The following SGPP2 variants were observed in gnomAD, a reference collection of about 807,000 sequenced individuals.
The protein encoded by SGPP2 is sphingosine-1-phosphate phosphatase 2.
Under a neutral mutation model 33.9 loss-of-function variants are expected in SGPP2, and 30 were observed. The ratio of observed to expected loss-of-function variants is 0.89; its 90% CI spans 0.66 to 1.20. SGPP2 has a LOEUF of 1.20. Ranked by LOEUF, SGPP2 falls within the 50% of genes most tolerant of loss-of-function variation. The probability of loss-of-function intolerance (pLI) is 0.00; values close to 1 mark genes in which losing one functional copy is unlikely to be tolerated. For synonymous variants in SGPP2, 233 were observed against 225.0 expected, an observed-to-expected ratio of 1.04 and a Z score of -0.32; for missense variants, 458 against 532.1, an observed-to-expected ratio of 0.86 and a Z score of 1.37.
Position 222,509,255 on chromosome 2 carries a change from G to T in SGPP2, c.379-12512G>T, listed in dbSNP as rs978268312. ...CAACATAAAGAAGAGGTGAATGTTT[G>T]GGGTGATGGGTGTCCCAGTTGTCCT... On this transcript the variant is annotated intron_variant, in intron 2 of 4. Transcript: ENST00000321276. 7.2e-5 allele frequency among the ~76,000 whole-genome samples: 11 copies of T among 152,258 alleles called. No homozygotes were observed. The South Asian group carries it at 2.1e-3, about 29-fold the overall frequency.
intron 2 of SGPP2, among the ~76,000 whole-genome samples, chr2:222,488,107 C>G (rs1698139964): frequency 6.6e-6 from 1 of 152,180 alleles, no homozygotes; most frequent in Non-Finnish European, 1.5e-5. Flanking sequence ...TACCTTGCAC[C>G]CTGTAAAATC....
chr2:222,555,445 G>GTTT (rs57228014), intron 4 of SGPP2, among the ~76,000 whole-genome samples: 13 of 85,858 alleles, frequency 1.5e-4, no homozygotes, highest in Non-Finnish European at 2.3e-4. Context: ...TCTTTTATCC[G>GTTT]TTTTTTTTTT....
At position 222,540,340 on chromosome 2, in the gene SGPP2, T is replaced by C. The variant is rs191901783; in HGVS notation, c.648+15307T>C. 1.4e-3 allele frequency among the ~76,000 whole-genome samples: 220 copies of C among 152,354 alleles called. 1 individual carries two copies. The highest frequency in any genetic ancestry group is 5.1e-3 in the African/African-American group (210 of 41,584). ...AGGTCAGGTGTAGAATTTTTTCATG[T>C]GATGTCATGTCAGTATTCAAAAAGT... On this transcript the variant is annotated intron_variant, in intron 4 of 4. Transcript: ENST00000321276.
At chr2:222,504,838 G>A (rs1045282780) in intron 2 of SGPP2, 1 of 152,232 alleles carries the variant, frequency 6.6e-6, no homozygotes, top group African/African-American at 2.4e-5. Context: ...AGCTTTTACA[G>A]TCATGACAAG....
rs940518563 is a variant in SGPP2 at position 222,424,589 on chromosome 2, G to A, written c.-14G>A. On this transcript the variant is annotated 5_prime_UTR_variant, in exon 1 of 5. Coordinates refer to ENST00000321276, the MANE Select transcript of SGPP2 (RefSeq NM_152386.4). ...GGCGTGGCAGCGGCGGCGGAGCGCG[G>A]CCCCGGGCACACCATGGCCGAGCTG... 4.4e-5 allele frequency: 56 copies of A among 1,258,838 alleles called. No individual in the cohort carries two copies. The African/African-American group carries it at 8.1e-4, about 18-fold the overall frequency. 78.0% of individuals were successfully genotyped at this position (1,258,838 alleles called of 1,614,324 possible).
At chr2:222,511,225 T>C (rs1003680696) in intron 2 of SGPP2, among the ~76,000 whole-genome samples, 1 of 152,152 alleles carries the variant, frequency 6.6e-6, no homozygotes, top group African/African-American at 2.4e-5. Flanking sequence ...TAAGGACAAG[T>C]TTCATATTGA....
At chr2:222,488,364 G>A (rs899214852) in intron 2 of SGPP2, among the ~76,000 whole-genome samples, 2 of 152,226 alleles carry the variant, frequency 1.3e-5, no homozygotes, top group South Asian at 4.1e-4. Context: ...CAAATCAGCA[G>A]TGGCATTAGA....
intron 1 of SGPP2, among the ~76,000 whole-genome samples, chr2:222,454,900 C>T (rs1296632132): frequency 3.3e-5 from 5 of 152,096 alleles, no homozygotes; most frequent in South Asian, 4.1e-4. Flanking sequence ...GCATGCTCCA[C>T]TTTTATTTCT....
chr2:222,429,130 GT>G (rs1253885459), intron 1 of SGPP2, among the ~76,000 whole-genome samples: 3 of 152,136 alleles, frequency 2.0e-5, no homozygotes, highest in Non-Finnish European at 4.4e-5. Context: ...AAGAACCATG[GT>G]TTTCTAACCA....
At chr2:222,525,953 A>G (rs1472175051) in intron 4 of SGPP2, among the ~76,000 whole-genome samples, 3 of 152,172 alleles carry the variant, frequency 2.0e-5, no homozygotes, top group Non-Finnish European at 4.4e-5. Context: ...TGGGGAGATC[A>G]TTTGTCAAAA....
chr2:222,559,797 G>A lies in SGPP2; in HGVS notation c.*899G>A, dbSNP rs7593810. 4,810 of 152,466 alleles carry A rather than the reference G, an allele frequency of 0.032. 120 individuals carry two copies. Among genetic ancestry groups the A allele is most frequent in the African/African-American group, 0.07 (2,917 of 41,558 alleles). 9.4% of individuals were successfully genotyped at this position (152,466 alleles called of 1,614,324 possible). On this transcript the variant is annotated 3_prime_UTR_variant, in exon 5 of 5. Coordinates refer to ENST00000321276, the MANE Select transcript of SGPP2 (RefSeq NM_152386.4). ...AAATTAGACTGTGCCTGGTTGGGTG[G>A]TAAGATCACTCTGAAAGAAAGCTCA...
At chr2:222,503,324 A>G (rs139511828) in intron 2 of SGPP2, among the ~76,000 whole-genome samples, 1,751 of 152,352 alleles carry the variant, frequency 0.011, 113 homozygotes, top group Admixed American at 0.11. Flanking sequence ...ATATGTTATG[A>G]AATATTTCAA....
chr2:222,527,358 C>T (rs551743988), intron 4 of SGPP2, among the ~76,000 whole-genome samples: 8 of 151,946 alleles, frequency 5.3e-5, no homozygotes, highest in Non-Finnish European at 5.9e-5. Context: ...CCCGCTGTGA[C>T]TCTGAGTTAG....
chr2:222,520,613 C>A (rs192195775), intron 2 of SGPP2, among the ~76,000 whole-genome samples: 1 of 151,808 alleles, frequency 6.6e-6, no homozygotes, highest in Admixed American at 6.6e-5. Flanking sequence ...GTCTGTAATC[C>A]CAGCTAGTCA....
At chr2:222,509,166 A>G (rs188267411) in intron 2 of SGPP2, among the ~76,000 whole-genome samples, 11 of 152,280 alleles carry the variant, frequency 7.2e-5, no homozygotes, top group Admixed American at 3.9e-4. Context: ...AGACAAAAAC[A>G]CAATCTAGTG....
intron 1 of SGPP2, among the ~76,000 whole-genome samples, chr2:222,468,790 C>T (rs910072987): frequency 6.6e-6 from 1 of 152,244 alleles, no homozygotes; most frequent in Non-Finnish European, 1.5e-5. Context: ...GCCTCCCCTT[C>T]TTCCCTGGTT....
chr2:222,520,023 A>G (rs1486321726), intron 2 of SGPP2, among the ~76,000 whole-genome samples: 5 of 152,192 alleles, frequency 3.3e-5, no homozygotes, highest in Non-Finnish European at 7.3e-5. Context: ...TCCTTTGGGT[A>G]TATACTCAGT....
chr2:222,467,481 T>TCA (rs1216089175), intron 1 of SGPP2, among the ~76,000 whole-genome samples: 2 of 151,346 alleles, frequency 1.3e-5, no homozygotes, highest in African/African-American at 4.9e-5. Flanking sequence ...AAGCTGAAGC[T>TCA]CAGGAGATCA....
intron 1 of SGPP2, 34 bp downstream of exon 1, chr2:222,424,855 AG>A (rs1481983020): frequency 7.7e-7 from 1 of 1,299,896 alleles, no homozygotes. Context: ...GGGTACGGGG[AG>A]GGGGCGGCTG....
Sources: allele counts gnomAD v4.1 joint callset (sites outside exome capture counted in the v4.1 genomes callset), GRCh38; gene constraint gnomAD v4.1.1; transcripts MANE v1.5; gene names NCBI Gene and HGNC (gene_info 2026-07-23, HGNC 2026-07-21).